The following CTNNA2 variants were observed in gnomAD, a reference collection of about 807,000 sequenced individuals.
CTNNA2 encodes the protein catenin alpha-2.
Under a neutral mutation model 101.0 loss-of-function variants are expected in CTNNA2, and 42 were observed. The ratio of observed to expected loss-of-function variants is 0.42; its 90% CI spans 0.32 to 0.54. The LOEUF is 0.54. CTNNA2 is among the 20% of genes least tolerant of loss of function. The probability of loss-of-function intolerance (pLI) is 0.14; values close to 1 mark genes in which losing one functional copy is unlikely to be tolerated. For synonymous variants in CTNNA2, 450 were observed against 456.4 expected (o/e 0.99, Z 0.18); for missense variants, 871 against 1,223.1 (o/e 0.71, Z 4.29).
At chr2:79,330,594 A>G (rs1676849034) in intron 3 of CTNNA2, among the ~76,000 whole-genome samples, 1 of 152,296 alleles carries the variant, frequency 6.6e-6, no homozygotes, top group East Asian at 1.9e-4. Flanking sequence ...CTTGAACTGT[A>G]GCTCCCAGAA....
At chr2:79,673,309 G>T (rs995416753) in intron 2 of CTNNA2, among the ~76,000 whole-genome samples, 1 of 151,948 alleles carries the variant, frequency 6.6e-6, no homozygotes, top group African/African-American at 2.4e-5. Flanking sequence ...TTTTCTGGGG[G>T]GCGGGGGTGA....
rs146260418 is a variant in CTNNA2, at chr2:80,135,746, T to C, written c.1056+225949T>C. ...TACAGTCTAGACTCCAGAAACTGCA[T>C]TGGGAGACCTCTGTAAATATGAGTT... is the stretch of plus-strand genomic sequence containing the variant. On this transcript the variant is annotated intron_variant, in intron 7 of 18. Transcript: ENST00000402739. 4.1e-4 allele frequency among the ~76,000 whole-genome samples: 62 copies of C among 152,242 alleles called. 1 individual carries two copies. Among genetic ancestry groups the C allele is most frequent in the African/African-American group, 1.2e-3 (49 of 41,554 alleles).
At position 79,488,857 on chromosome 2, in the gene CTNNA2, A is replaced by T. The variant is rs74496294; in HGVS notation, c.-134-16197A>T. On this transcript the variant is annotated intron_variant, in intron 4 of 21. Transcript: ENST00000466387. Reference sequence around the variant, plus strand: ...TAGATTTTGGGCCTACATTTCCAAAAGTAAGAGCTATTCTAGCTCTTAACA... The same window carrying T: ...TAGATTTTGGGCCTACATTTCCAAATGTAAGAGCTATTCTAGCTCTTAACA... 0.011 allele frequency among the ~76,000 whole-genome samples: 1,711 copies of T among 152,294 alleles called. 80 individuals carry two copies. In the East Asian group the frequency reaches 0.13, roughly 12 times the overall value.
At chr2:79,401,780 A>T (rs1558658393) in intron 4 of CTNNA2, among the ~76,000 whole-genome samples, 1 of 151,682 alleles carries the variant, frequency 6.6e-6, no homozygotes, top group Non-Finnish European at 1.5e-5. Context: ...GTTAAAAGTA[A>T]ATTAAATTGA....
At chr2:79,555,646 C>G (rs1674397299) in intron 1 of CTNNA2, among the ~76,000 whole-genome samples, 1 of 152,062 alleles carries the variant, frequency 6.6e-6, no homozygotes, top group South Asian at 2.1e-4. Context: ...AGAATTCTGA[C>G]TAGAGCATTG....
chr2:80,609,120 C>T (rs1258218761), intron 17 of CTNNA2, among the ~76,000 whole-genome samples: 2 of 151,708 alleles, frequency 1.3e-5, no homozygotes, highest in Non-Finnish European at 2.9e-5. Context: ...GGCTCTGACA[C>T]CTTAGTTCTT....
intron 4 of CTNNA2, among the ~76,000 whole-genome samples, chr2:79,412,975 T>C (rs1342597699): frequency 6.6e-6 from 1 of 152,122 alleles, no homozygotes; most frequent in Non-Finnish European, 1.5e-5. Context: ...CTTTGGAATA[T>C]ATTTTGTCAA....
chr2:79,535,717 C>T (rs1673014865), intron 1 of CTNNA2, among the ~76,000 whole-genome samples: 1 of 151,880 alleles, frequency 6.6e-6, no homozygotes, highest in Non-Finnish European at 1.5e-5. Context: ...ATTTTAGCTT[C>T]CAGGGACGGG....
chr2:79,319,474 A>T (rs1322308470), intron 3 of CTNNA2, among the ~76,000 whole-genome samples: 2 of 152,136 alleles, frequency 1.3e-5, no homozygotes, highest in East Asian at 1.9e-4. Flanking sequence ...GGCTAAAGCC[A>T]CATTTTTACT....
At chr2:79,874,390 A>C (rs1476289621) in intron 6 of CTNNA2, 48 bp downstream of exon 6, 5 of 442,566 alleles carry the variant, frequency 1.1e-5, no homozygotes, top group South Asian at 6.0e-5. Flanking sequence ...TGGTGTTGAC[A>C]AAAAAAAAAA....
chr2:79,407,537 C>A (rs773565965), intron 4 of CTNNA2, among the ~76,000 whole-genome samples: 22 of 152,056 alleles, frequency 1.4e-4, no homozygotes, highest in Admixed American at 7.2e-4. Context: ...CAATATCCTA[C>A]TTATCTATCC....
In CTNNA2 at chr2:79,381,239, A is replaced by G. The variant is rs147209214; in HGVS notation, c.-135+7226A>G. 6.2e-3 allele frequency among the ~76,000 whole-genome samples: 942 copies of G among 152,258 alleles called. 7 individuals carry two copies. The highest frequency in any genetic ancestry group is 0.021 in the African/African-American group (887 of 41,554). ...GATGGTCACCCACTCAGCTTCCTTA[A>G]TTTACAGTTGAAGAAACTGAGATGC... is the stretch of plus-strand genomic sequence containing the variant. On this transcript the variant is annotated intron_variant, in intron 4 of 21. Coordinates refer to the CTNNA2 transcript ENST00000466387.
At chr2:79,729,675 C>G (rs1234317668) in intron 2 of CTNNA2, among the ~76,000 whole-genome samples, 2 of 152,006 alleles carry the variant, frequency 1.3e-5, no homozygotes, top group South Asian at 2.1e-4. Flanking sequence ...GTTCATTTCC[C>G]CTTTAAGTCA....
At chr2:79,857,944 C>T in intron 3 of CTNNA2, 69 bp from the exon 4 acceptor site, 2 of 1,486,312 alleles carry the variant, frequency 1.3e-6, no homozygotes, top group Admixed American at 1.8e-5. Context: ...TGTCCATTCA[C>T]AGATCTTTAG....
At chr2:79,838,189 T>C (rs55696423) in intron 3 of CTNNA2, among the ~76,000 whole-genome samples, 38,370 of 152,088 alleles carry the variant, frequency 0.25, 6,204 homozygotes, top group Non-Finnish European at 0.37. Flanking sequence ...CTCAGTTTAG[T>C]CTTTCATTGA....
At chr2:80,321,957 A>G (rs541643791) in intron 7 of CTNNA2, among the ~76,000 whole-genome samples, 4 of 146,412 alleles carry the variant, frequency 2.7e-5, no homozygotes, top group African/African-American at 9.9e-5. Context: ...TATTTATTTT[A>G]AAAAGGTGTA....
chr2:79,808,700 T>C (rs968975937), intron 3 of CTNNA2, among the ~76,000 whole-genome samples: 5 of 152,188 alleles, frequency 3.3e-5, no homozygotes, highest in African/African-American at 4.8e-5. Context: ...AGCATTACAT[T>C]TAGATTTTTA....
chr2:80,562,616 C>CA (rs1164196894), intron 12 of CTNNA2, among the ~76,000 whole-genome samples: 1 of 151,970 alleles, frequency 6.6e-6, no homozygotes, highest in African/African-American at 2.4e-5. Context: ...GATGTACTGG[C>CA]AAAAAATATA....
intron 3 of CTNNA2, among the ~76,000 whole-genome samples, chr2:79,812,896 G>A (rs1441764330): frequency 6.6e-6 from 1 of 152,118 alleles, no homozygotes; most frequent in Non-Finnish European, 1.5e-5. Flanking sequence ...CTAATGCAGA[G>A]AGAGAAAGCT....
Sources: gnomAD v4.1 joint callset for allele counts (sites outside exome capture counted in the v4.1 genomes callset) on GRCh38, gnomAD v4.1.1 for gene constraint, MANE v1.5 for transcripts, NCBI Gene and HGNC (gene_info 2026-07-23, HGNC 2026-07-21) for gene names.